Variants in ESYT2 observed in about 807,000 individuals in gnomAD.
ESYT2 encodes extended synaptotagmin-2.
In ESYT2, 54 loss-of-function variants were observed where a neutral mutation model predicts 107.2. That is an observed-to-expected ratio of 0.50 (90% CI 0.40 to 0.63). The LOEUF is 0.63. Ranked by LOEUF, ESYT2 falls within the 30% of genes least tolerant of loss-of-function variation. ESYT2 has a pLI of 0.00. For synonymous variants in ESYT2, 491 were observed against 434.1 expected, an observed-to-expected ratio of 1.13 and a Z score of -1.63; for missense variants, 1,020 against 1,094.5, an observed-to-expected ratio of 0.93 and a Z score of 0.96.
At position 158,763,968 on chromosome 7, in the gene ESYT2, G is replaced by A. The variant is rs552916134; in HGVS notation, c.1101+709C>T. Among the ~76,000 whole-genome samples the A allele has an allele frequency of 3.3e-4, 50 of 152,238 alleles. No homozygotes were observed. In the South Asian group the frequency reaches 4.1e-3, roughly 13 times the overall value. ...GGAGTCGTACGGTGAAGTATAAACC[G>A]TACGACTGTTCTGAAGGGTAATTCT... On this transcript the variant is annotated intron_variant, in intron 9 of 22. Coordinates refer to ENST00000275418, the MANE Select transcript of ESYT2 (RefSeq NM_001367773.1).
intron 6 of ESYT2, among the ~76,000 whole-genome samples, chr7:158,785,286 G>A (rs577388040): frequency 2.1e-4 from 32 of 152,186 alleles, no homozygotes; most frequent in African/African-American, 6.7e-4. Context: ...TTAGCCAGGC[G>A]TGGTGGTGGG....
rs576716507 is a variant in ESYT2 at position 158,732,712 on chromosome 7, G to A, written c.*1495C>T. 1.3e-5 allele frequency: 2 copies of A among 152,746 alleles called. No homozygotes were observed. The highest frequency in any genetic ancestry group is 4.8e-5 in the African/African-American group (2 of 41,568). The allele number at this position is 152,746 out of a possible 1,614,324, so 9.5% of individuals were successfully genotyped here. ...CGTCACAGGCACTTTGGTTTGTTTG[G>A]TCATGTGAGTTACCCACAAGTTGTA... On this transcript the variant is annotated 3_prime_UTR_variant, in exon 23 of 23. Transcript: ENST00000275418.
chr7:158,801,367 T>C (rs991338118), intron 1 of ESYT2, among the ~76,000 whole-genome samples: 2 of 152,182 alleles, frequency 1.3e-5, no homozygotes, highest in Non-Finnish European at 2.9e-5. Context: ...CATCTATGAG[T>C]GATTATCCCA....
intron 1 of ESYT2, among the ~76,000 whole-genome samples, chr7:158,818,993 A>T (rs2129474214): frequency 6.6e-6 from 1 of 152,370 alleles, no homozygotes; most frequent in East Asian, 1.9e-4. Context: ...TCAACAAATC[A>T]TCATGGGAAC....
Position 158,767,698 on chromosome 7 carries a change from C to G in ESYT2, c.880G>C (p.Val294Leu). 1.2e-6 allele frequency: 2 copies of G among 1,612,954 alleles called. No homozygotes were observed. The highest frequency in any genetic ancestry group is 1.7e-4 in the Middle Eastern group (1 of 6,056). The change falls in exon 8 of 23, where the codon GTC (valine) becomes CTC (leucine). Residue 294 changes from valine to leucine, a missense_variant. Physicochemically the swap from Val to Leu is conservative, Grantham distance 32. Coordinates refer to ENST00000275418, the MANE Select transcript of ESYT2 (RefSeq NM_001367773.1). ...AACTGAGCTATTTGAACTTCACTGA[C>G]AAGTGGAACGGTGATTCGATTGGGA... Reference protein sequence around the residue: ...VLPNRITVPLVSEVQIAQLRF... With the variant: ...VLPNRITVPLLSEVQIAQLRF...
rs1418262971 is a variant in ESYT2 at position 158,732,484 on chromosome 7, T to C, written c.*1723A>G. Reference sequence around the variant, plus strand: ...TGTCATTCAGCAGGAGGGAATATACTGGTCTTTATGATTACATGAAATATG... The same window carrying C: ...TGTCATTCAGCAGGAGGGAATATACCGGTCTTTATGATTACATGAAATATG... On this transcript the variant is annotated 3_prime_UTR_variant, in exon 23 of 23. Coordinates refer to ENST00000275418, the MANE Select transcript of ESYT2 (RefSeq NM_001367773.1). 6.6e-6 allele frequency: 1 copy of C among 152,242 alleles called. No individual in the cohort carries two copies. The highest frequency in any genetic ancestry group is 1.5e-5 in the Non-Finnish European group (1 of 68,040). 9.4% of individuals were successfully genotyped at this position (152,242 alleles called of 1,614,324 possible). A position where few individuals can be genotyped will look rare whatever the true frequency, so the allele number is the denominator to read the frequency against.
chr7:158,823,122 G>A (rs1584891334), intron 1 of ESYT2, among the ~76,000 whole-genome samples: 1 of 151,204 alleles, frequency 6.6e-6, no homozygotes, highest in East Asian at 2.0e-4. Context: ...GTGAAACCCT[G>A]TCTGCACTAT....
chr7:158,747,239 C>T (rs1302691022), intron 16 of ESYT2, among the ~76,000 whole-genome samples: 1 of 151,706 alleles, frequency 6.6e-6, no homozygotes, highest in African/African-American at 2.4e-5. Context: ...TCCCAGCTCT[C>T]AGGAGGCTGA....
chr7:158,750,041 C>T (rs564241801), intron 14 of ESYT2, among the ~76,000 whole-genome samples: 3 of 151,828 alleles, frequency 2.0e-5, no homozygotes, highest in Admixed American at 6.6e-5. Context: ...ACAAGGATAA[C>T]GAAAATGAAT....
At chr7:158,769,666 C>T (rs1215783437) in intron 7 of ESYT2, among the ~76,000 whole-genome samples, 2 of 152,110 alleles carry the variant, frequency 1.3e-5, no homozygotes, top group Admixed American at 6.5e-5. Flanking sequence ...CAAAACATAA[C>T]GGATATTTAA....
rs1321355449 is a variant in ESYT2, at chr7:158,731,955, G to GC, written c.*2251dup. On this transcript the variant is annotated 3_prime_UTR_variant, in exon 23 of 23. Coordinates refer to ENST00000275418, the MANE Select transcript of ESYT2 (RefSeq NM_001367773.1). ...CTTTTTTTAAAAGAGAATGGAGGCA[G>GC]CTACTGGAGGCCAAGCACCTCCAGG... The GC allele has an allele frequency of 6.6e-6, 1 of 152,140 alleles. No homozygotes were observed. Among genetic ancestry groups the GC allele is most frequent in the Non-Finnish European group, 1.5e-5 (1 of 68,048 alleles). 9.4% of individuals were successfully genotyped at this position (152,140 alleles called of 1,614,324 possible).
At chr7:158,736,211 G>A (rs146470176) in intron 20 of ESYT2, among the ~76,000 whole-genome samples, 112 of 147,454 alleles carry the variant, frequency 7.6e-4, no homozygotes, top group African/African-American at 2.8e-3. Context: ...ATGGGTAGGA[G>A]CACCCTGCAC....
chr7:158,805,393 A>C (rs981851515), intron 1 of ESYT2, among the ~76,000 whole-genome samples: 2 of 152,248 alleles, frequency 1.3e-5, no homozygotes, highest in African/African-American at 4.8e-5. Flanking sequence ...TTCTACAAAG[A>C]AAGTAGTCAA....
intron 1 of ESYT2, among the ~76,000 whole-genome samples, chr7:158,804,601 C>T (rs1248594725): frequency 1.4e-5 from 2 of 147,640 alleles, no homozygotes; most frequent in African/African-American, 5.1e-5. Context: ...AGGTGTGTGA[C>T]AAACCCAAAG....
intron 1 of ESYT2, among the ~76,000 whole-genome samples, chr7:158,799,468 A>C (rs1233812849): frequency 1.3e-5 from 2 of 151,950 alleles, no homozygotes; most frequent in Non-Finnish European, 2.9e-5. Flanking sequence ...CAGAGCCCCT[A>C]CCCTTCCCAG....
Position 158,757,832 on chromosome 7 carries a change from G to T in ESYT2, c.1419+1654C>A, listed in dbSNP as rs140918592. Among the ~76,000 whole-genome samples the T allele has an allele frequency of 5.1e-3, 774 of 151,622 alleles. 4 individuals carry two copies. The highest frequency in any genetic ancestry group is 0.018 in the African/African-American group (743 of 41,092). On this transcript the variant is annotated intron_variant, in intron 13 of 22. Transcript: ENST00000275418. ...TCAATTTAATGTGACAACACACACA[G>T]TTCTAAAGAGGCCTAACCTTTTGTA...
chr7:158,764,888 G>T lies in ESYT2; in HGVS notation c.925-35C>A, dbSNP rs766117170. ...AGAACAAACTGAAGTTTAGACCCTT[G>T]GCTGGCTTGTTTAACTGGCATGGAA... On this transcript the variant is annotated intron_variant, in intron 8 of 22. Coordinates refer to ENST00000275418, the MANE Select transcript of ESYT2 (RefSeq NM_001367773.1). 1.9e-6 allele frequency: 3 copies of T among 1,601,000 alleles called. No homozygotes were observed. The South Asian group carries it at 3.3e-5, about 18-fold the overall frequency.
chr7:158,738,328 TACACACACACACACAGACACACAC>T (rs1379068968), intron 19 of ESYT2, among the ~76,000 whole-genome samples: 24 of 62,930 alleles, frequency 3.8e-4, no homozygotes, highest in African/African-American at 2.2e-4. Context: ...AAAAAAAAAA[TACACACACACACACAGACACACAC>T]ACACACACAC....
chr7:158,760,175 CAA>C, intron 11 of ESYT2, 28 bp from the exon 12 acceptor site: 1 of 1,598,374 alleles, frequency 6.3e-7, no homozygotes, highest in Non-Finnish European at 8.6e-7. Flanking sequence ...TTACGTTCAG[CAA>C]AAGTTCTTCT....
Sources: allele counts gnomAD v4.1 joint callset (sites outside exome capture counted in the v4.1 genomes callset), GRCh38; gene constraint gnomAD v4.1.1; transcripts MANE v1.5; gene names NCBI Gene and HGNC (gene_info 2026-07-23, HGNC 2026-07-21).